Variants in SEMA6D observed in about 807,000 individuals in gnomAD.
SEMA6D encodes semaphorin-6D.
SEMA6D carries 35 observed loss-of-function variants against 106.6 expected under a neutral mutation model. The ratio of observed to expected loss-of-function variants is 0.33; its 90% CI spans 0.25 to 0.44. SEMA6D has a LOEUF of 0.44. SEMA6D is among the 20% of genes least tolerant of loss of function. The pLI, the probability that SEMA6D is intolerant of heterozygous loss-of-function variation, is 1.00. For missense variants in SEMA6D, 1,185 were observed against 1,345.9 expected, an observed-to-expected ratio of 0.88 and a Z score of 1.87; for synonymous variants, 499 against 487.7, an observed-to-expected ratio of 1.02 and a Z score of -0.31.
intron 1 of SEMA6D, among the ~76,000 whole-genome samples, chr15:47,195,077 C>T (rs1443375995): frequency 2.0e-5 from 3 of 152,090 alleles, no homozygotes; most frequent in African/African-American, 4.8e-5. Flanking sequence ...CTCCTCCATA[C>T]AAATATTCTT....
chr15:47,752,583 G>A (rs1764537339), intron 1 of SEMA6D, among the ~76,000 whole-genome samples: 5 of 152,168 alleles, frequency 3.3e-5, no homozygotes, highest in Admixed American at 3.3e-4. Context: ...GGGAGACATG[G>A]ACAAATTTCA....
At chr15:47,715,378 A>G (rs2079091510), upstream of SEMA6D, among the ~76,000 whole-genome samples, 1 of 152,216 alleles carries the variant, frequency 6.6e-6, no homozygotes, top group South Asian at 2.1e-4. Flanking sequence ...TTTTCCTTAG[A>G]CTTCTTTCCA....
chr15:47,326,794 A>G (rs534818732), intron 1 of SEMA6D, among the ~76,000 whole-genome samples: 2 of 152,184 alleles, frequency 1.3e-5, no homozygotes, highest in Non-Finnish European at 2.9e-5. Context: ...AAATTCTCCC[A>G]TGCCAGATTC....
chr15:47,419,676 G>A (rs994323654), intron 2 of SEMA6D, among the ~76,000 whole-genome samples: 6 of 152,122 alleles, frequency 3.9e-5, no homozygotes, highest in South Asian at 2.1e-4. Context: ...TGGAATGGGC[G>A]TTATCTGGAA....
chr15:47,484,591 A>G (rs1446170501), intron 3 of SEMA6D, among the ~76,000 whole-genome samples: 1 of 152,186 alleles, frequency 6.6e-6, no homozygotes, highest in Non-Finnish European at 1.5e-5. Flanking sequence ...TATATAAGAT[A>G]TTATTACCAG....
chr15:47,578,213 A>G (rs959407277), intron 3 of SEMA6D, among the ~76,000 whole-genome samples: 4 of 152,214 alleles, frequency 2.6e-5, no homozygotes, highest in East Asian at 3.9e-4. Context: ...AACTATCTCA[A>G]TTCAGCTAAT....
At chr15:47,430,727 A>C (rs1316294846) in intron 2 of SEMA6D, among the ~76,000 whole-genome samples, 1 of 152,006 alleles carries the variant, frequency 6.6e-6, no homozygotes, top group East Asian at 1.9e-4. Context: ...GGCCCAAGGT[A>C]ATGTCTCAAA....
chr15:47,628,141 G>A (rs1161195393), intron 4 of SEMA6D, among the ~76,000 whole-genome samples: 3 of 151,686 alleles, frequency 2.0e-5, no homozygotes, highest in Admixed American at 2.0e-4. Context: ...TTCACCCACT[G>A]AAAGACATCT....
At chr15:47,261,598 C>T (rs2034077978) in intron 1 of SEMA6D, among the ~76,000 whole-genome samples, 1 of 152,012 alleles carries the variant, frequency 6.6e-6, no homozygotes, top group South Asian at 2.1e-4. Flanking sequence ...CCAACCATAA[C>T]CACAGTTGAT....
intron 3 of SEMA6D, among the ~76,000 whole-genome samples, chr15:47,494,772 ATATATATATATATATAT>A (rs2043592573): frequency 5.2e-5 from 5 of 95,488 alleles, no homozygotes; most frequent in African/African-American, 2.3e-4. Context: ...ATATATATAT[ATATATATATATATATAT>A]AATCTCCAGA....
chr15:47,474,482 A>C (rs1015887424), intron 3 of SEMA6D, among the ~76,000 whole-genome samples: 2 of 152,224 alleles, frequency 1.3e-5, no homozygotes, highest in Non-Finnish European at 1.5e-5. Flanking sequence ...ATTAAGTCTT[A>C]AACTTACAAG....
chr15:47,446,667 A>G (rs1025895462), intron 2 of SEMA6D, among the ~76,000 whole-genome samples: 1 of 152,140 alleles, frequency 6.6e-6, no homozygotes, highest in African/African-American at 2.4e-5. Flanking sequence ...TATTTTAATA[A>G]TAAATCTACC....
At chr15:47,287,133 C>T (rs542105136) in intron 1 of SEMA6D, among the ~76,000 whole-genome samples, 2 of 152,232 alleles carry the variant, frequency 1.3e-5, no homozygotes, top group African/African-American at 4.8e-5. Context: ...GTCTGTCTCT[C>T]CTGATGTGGG....
chr15:47,336,796 G>C (rs2037577749), intron 1 of SEMA6D, among the ~76,000 whole-genome samples: 2 of 152,150 alleles, frequency 1.3e-5, no homozygotes, highest in African/African-American at 4.8e-5. Flanking sequence ...CATTTGGACA[G>C]TGCACCATGA....
chr15:47,494,788 AT>A (rs1223220864), intron 3 of SEMA6D, among the ~76,000 whole-genome samples: 2 of 97,654 alleles, frequency 2.0e-5, no homozygotes, highest in African/African-American at 9.0e-5. Flanking sequence ...ATATATATAT[AT>A]AATCTCCAGA....
At chr15:47,609,540 T>C (rs10152500) in intron 4 of SEMA6D, among the ~76,000 whole-genome samples, 12,537 of 152,212 alleles carry the variant, frequency 0.082, 751 homozygotes, top group African/African-American at 0.17. Flanking sequence ...CATTTGAAGG[T>C]ACATATACGC....
At chr15:47,767,307 C>G (rs1443905318) in intron 17 of SEMA6D, 7 of 403,840 alleles carry the variant, frequency 1.7e-5, no homozygotes, top group Non-Finnish European at 3.1e-5. Context: ...CAAGCCACAT[C>G]CTTTAAGAAA....
chr15:47,604,279 T>G (rs948482576), intron 4 of SEMA6D: 1 of 152,216 alleles, frequency 6.6e-6, no homozygotes, highest in Non-Finnish European at 1.5e-5. Flanking sequence ...GGACTAAAGC[T>G]TTACATAAAG....
At chr15:47,300,432 G>A (rs1283372140) in intron 1 of SEMA6D, among the ~76,000 whole-genome samples, 1 of 151,962 alleles carries the variant, frequency 6.6e-6, no homozygotes, top group Non-Finnish European at 1.5e-5. Context: ...AGTCCTGGGG[G>A]GGTGGGCAGT....
Sources: gnomAD v4.1 joint callset for allele counts (sites outside exome capture counted in the v4.1 genomes callset) on GRCh38, gnomAD v4.1.1 for gene constraint, MANE v1.5 for transcripts, NCBI Gene and HGNC (gene_info 2026-07-23, HGNC 2026-07-21) for gene names.